The following LATS2 variants were observed in gnomAD, a reference collection of about 807,000 sequenced individuals.
The protein encoded by LATS2 is large tumor suppressor kinase 2.
Under a neutral mutation model 76.0 loss-of-function variants are expected in LATS2, and 24 were observed. That is an observed-to-expected ratio of 0.32 (90% CI 0.23 to 0.44). LATS2 has a LOEUF of 0.44. LATS2 is among the 20% of genes least tolerant of loss of function. LATS2 has a pLI of 1.00. For synonymous variants in LATS2, 692 were observed against 635.4 expected (o/e 1.09, Z -1.34); for missense variants, 1,286 against 1,481.2 (o/e 0.87, Z 2.16).
rs1370029326 is a variant in LATS2, at chr13:20,973,082, C to T, written c.*1788G>A. On this transcript the variant is annotated 3_prime_UTR_variant, in exon 8 of 8. Coordinates refer to ENST00000382592, the MANE Select transcript of LATS2 (RefSeq NM_014572.3). ...ATAAATTGTGCCAGTAGAAGCTTTT[C>T]AAAGGTAATGATATATCAATAAATA... The T allele has an allele frequency of 4.4e-6, 1 of 227,314 alleles. No individual in the cohort carries two copies. Among genetic ancestry groups the T allele is most frequent in the Non-Finnish European group, 8.7e-6 (1 of 114,362 alleles). The allele number at this position is 227,314 out of a possible 1,614,324, so 14.1% of individuals were successfully genotyped here.
chr13:21,052,762 C>A (rs1292534512), intron 1 of LATS2, among the ~76,000 whole-genome samples: 1 of 150,952 alleles, frequency 6.6e-6, no homozygotes, highest in East Asian at 1.9e-4. Context: ...TAAGTCTTTC[C>A]TCTCTGAAAC....
intron 2 of LATS2, among the ~76,000 whole-genome samples, chr13:21,036,008 C>T (rs543293198): frequency 6.6e-6 from 1 of 152,326 alleles, no homozygotes; most frequent in South Asian, 2.1e-4. Context: ...AAGTGATTCT[C>T]GTGCCTCAGC....
intron 2 of LATS2, among the ~76,000 whole-genome samples, chr13:21,008,741 G>C (rs961965705): frequency 3.9e-5 from 6 of 152,070 alleles, no homozygotes; most frequent in Non-Finnish European, 8.8e-5. Flanking sequence ...ACTGAGGAAA[G>C]GTGTGTAAAT....
At chr13:21,048,082 T>C (rs1928270) in intron 1 of LATS2, among the ~76,000 whole-genome samples, 126,568 of 152,278 alleles carry the variant, frequency 0.83, 52,829 homozygotes, top group South Asian at 0.91. Flanking sequence ...TGGCCACATA[T>C]CAGAAGCCTA....
intron 1 of LATS2, among the ~76,000 whole-genome samples, chr13:21,060,957 T>C (rs1246741214): frequency 6.6e-6 from 1 of 151,000 alleles, no homozygotes; most frequent in Non-Finnish European, 1.5e-5. Flanking sequence ...CTACGGCCTT[T>C]CGGGTCTAGG....
chr13:21,008,117 C>T (rs1273271371), intron 2 of LATS2, among the ~76,000 whole-genome samples: 1 of 152,000 alleles, frequency 6.6e-6, no homozygotes, highest in Non-Finnish European at 1.5e-5. Context: ...GGTATGAGGG[C>T]AGAGGTGGAC....
Position 21,021,950 on chromosome 13 carries a change from ACTAT to A in LATS2, c.342+23731_342+23734del, listed in dbSNP as rs746873175. Among the ~76,000 whole-genome samples, 5 of 152,166 alleles carry A rather than the reference ACTAT, an allele frequency of 3.3e-5. No homozygotes were observed. The East Asian group carries it at 5.8e-4, about 18-fold the overall frequency. On this transcript the variant is annotated intron_variant, in intron 2 of 7. Transcript: ENST00000382592. Reference sequence around the variant, plus strand: ...AGAAAAACCAAAAATCTTTACTTAGACTATCTGTTTCCACACTTTCTTCGTTAGA... The same window carrying A: ...AGAAAAACCAAAAATCTTTACTTAGACTGTTTCCACACTTTCTTCGTTAGA...
chr13:21,038,100 T>C (rs1872742179), intron 2 of LATS2, among the ~76,000 whole-genome samples: 2 of 152,218 alleles, frequency 1.3e-5, no homozygotes, highest in South Asian at 4.2e-4. Context: ...AGCAAGACCC[T>C]GTCTCAAAAA....
chr13:20,988,802 G>C lies in LATS2; in HGVS notation c.978C>G (p.His326Gln). The change falls in exon 4 of 8, where the codon CAC becomes CAG. Residue 326 changes from histidine to glutamine, a missense_variant. This residue lies in a region of LATS2 where 710 missense variants were observed against 660.9 expected (regional missense o/e 1.07). Transcript: ENST00000382592. ...PHHKQAGPAAHQLHVLGSRSQ... is the reference protein window; with the variant it reads ...PHHKQAGPAAQQLHVLGSRSQ... ...TGCGGGAGCCCAGCACATGCAGCTG[G>C]TGGGCCGCGGGACCGGCCTGCTTGT... is the stretch of plus-strand genomic sequence containing the variant. 6.3e-7 allele frequency: 1 copy of C among 1,595,574 alleles called. No homozygotes were observed. The highest frequency in any genetic ancestry group is 1.1e-5 in the South Asian group (1 of 90,552).
rs1870412297 is a variant in LATS2, at chr13:20,989,421, G to A, written c.476-117C>T. On this transcript the variant is annotated intron_variant, in intron 3 of 7. Transcript: ENST00000382592. ...TCGGGGCTGAGGGTCTTGAACCCTG[G>A]GCCCTGACGTGCTGCATTCTGCCCA... 3.8e-6 allele frequency: 4 copies of A among 1,051,596 alleles called. No homozygotes were observed. In the African/African-American group the frequency reaches 4.7e-5, roughly 12 times the overall value. 65.1% of individuals were successfully genotyped at this position (1,051,596 alleles called of 1,614,324 possible). A position where few individuals can be genotyped will look rare whatever the true frequency, so the allele number is the denominator to read the frequency against.
In LATS2 at chr13:20,991,233, A is replaced by G; in HGVS notation, c.475+39T>C. 6.2e-7 allele frequency: 1 copy of G among 1,613,076 alleles called. No individual in the cohort carries two copies. Among genetic ancestry groups the G allele is most frequent in the Non-Finnish European group, 8.5e-7 (1 of 1,179,388 alleles). On this transcript the variant is annotated intron_variant, in intron 3 of 7. Transcript: ENST00000382592. This position sits in a 1 kb window ranked among gnomAD's most constrained non-coding sequence, Gnocchi z 4.9. ...CGTGGTTTTGTTGTCCTTAAGCCACAAACCATCTTTGCCCACTATGCTGCA... is the reference window on the plus strand; with the variant it reads ...CGTGGTTTTGTTGTCCTTAAGCCACGAACCATCTTTGCCCACTATGCTGCA...
At chr13:21,050,147 G>GATACATACATACATAC (rs6144947) in intron 1 of LATS2, among the ~76,000 whole-genome samples, 781 of 53,212 alleles carry the variant, frequency 0.015, 11 homozygotes, top group South Asian at 0.026. Flanking sequence ...TAGATAGATA[G>GATACATACATACATAC]ATACATACAT....
intron 2 of LATS2, among the ~76,000 whole-genome samples, chr13:20,995,910 G>A (rs74036497): frequency 0.053 from 8,077 of 152,212 alleles, 745 homozygotes; most frequent in African/African-American, 0.19. Flanking sequence ...ACAAGACTTT[G>A]ATGACTTTGT....
chr13:21,060,554 G>C (rs868528013), intron 1 of LATS2, among the ~76,000 whole-genome samples: 1 of 152,090 alleles, frequency 6.6e-6, no homozygotes, highest in South Asian at 2.1e-4. Context: ...CCCGCAGCCC[G>C]GGAGGAACGG....
At chr13:21,045,507 A>G (rs966351449) in intron 2 of LATS2, among the ~76,000 whole-genome samples, 178 bp downstream of exon 2, 2 of 152,242 alleles carry the variant, frequency 1.3e-5, no homozygotes, top group Non-Finnish European at 2.9e-5. Context: ...GAGAGAAGGT[A>G]GAGAACCTTC....
chr13:21,022,520 C>G (rs1285057145), intron 2 of LATS2, among the ~76,000 whole-genome samples: 1 of 152,186 alleles, frequency 6.6e-6, no homozygotes, highest in Non-Finnish European at 1.5e-5. Flanking sequence ...GGACCTTGGA[C>G]CCACTGGCCC....
intron 1 of LATS2, among the ~76,000 whole-genome samples, chr13:21,051,574 T>C (rs767601503): frequency 5.3e-5 from 8 of 152,202 alleles, no homozygotes; most frequent in Non-Finnish European, 1.0e-4. Flanking sequence ...TGCCATTCTC[T>C]GAGCCAGGAA....
intron 2 of LATS2, among the ~76,000 whole-genome samples, chr13:21,036,583 A>G (rs1030909824): frequency 1.1e-4 from 17 of 151,866 alleles, no homozygotes; most frequent in Non-Finnish European, 2.2e-4. Flanking sequence ...GACCAGACTC[A>G]CCAACATGGT....
chr13:21,050,169 T>TACATACATACATACATACATACATACAC (rs1873224734), intron 1 of LATS2, among the ~76,000 whole-genome samples: 1 of 150,010 alleles, frequency 6.7e-6, no homozygotes, highest in East Asian at 2.0e-4. Context: ...CATACATACA[T>TACATACATACATACATACATACATACAC]ACATAGATGG....
Sources: gnomAD v4.1 joint callset for allele counts (sites outside exome capture counted in the v4.1 genomes callset) on GRCh38, gnomAD v4.1.1 for gene constraint, gnomAD v4.1.1 regional missense constraint, Gnocchi (gnomAD v3.1) non-coding constraint, MANE v1.5 for transcripts, NCBI Gene and HGNC (gene_info 2026-07-23, HGNC 2026-07-21) for gene names.